Variants in DCTN1 observed in about 807,000 individuals in gnomAD.
DCTN1 encodes 150 kDa dynein-associated polypeptide.
DCTN1 carries 61 observed loss-of-function variants against 161.2 expected under a neutral mutation model. That is an observed-to-expected ratio of 0.38 (90% CI 0.31 to 0.47). DCTN1 has a LOEUF of 0.47. DCTN1 is among the 20% of genes least tolerant of loss of function. DCTN1 has a pLI of 0.99. For missense variants in DCTN1, 1,404 were observed against 1,623.7 expected (o/e 0.86, Z 2.33); for synonymous variants, 653 against 632.4 (o/e 1.03, Z -0.49).
chr2:74,391,718 C>T, intron 1 of DCTN1: 1 of 446,424 alleles, frequency 2.2e-6, no homozygotes, highest in Non-Finnish European at 4.5e-6. Flanking sequence ...GCTCGGTCCC[C>T]AGCCCACCGC....
intron 6 of DCTN1, 79 bp downstream of exon 6, chr2:74,374,244 G>GCCCCCA: frequency 6.8e-7 from 1 of 1,481,142 alleles, no homozygotes; most frequent in South Asian, 1.2e-5. Context: ...AAGTCAATCA[G>GCCCCCA]CCCCCACCCC....
intron 26 of DCTN1, 131 bp downstream of exon 26, chr2:74,364,944 G>C (rs546581027): frequency 1.4e-5 from 17 of 1,181,680 alleles, no homozygotes; most frequent in South Asian, 5.1e-5. Context: ...GGCACAGAGT[G>C]AAACTGTGTA....
In DCTN1 at chr2:74,363,000, T is replaced by A. The variant is rs199669902; in HGVS notation, c.3523A>T (p.Ser1175Cys). 2.5e-6 allele frequency: 4 copies of A among 1,612,704 alleles called. No individual in the cohort carries two copies. The highest frequency in any genetic ancestry group is 1.7e-4 in the Middle Eastern group (1 of 5,932). The change falls in exon 29 of 32, where the codon AGC (serine) becomes TGC (cysteine). Residue 1175 changes from serine (S) to cysteine (C), a missense_variant. Ser to Cys is a moderately radical substitution (Grantham distance 112, BLOSUM62 -1). Coordinates refer to ENST00000628224, the MANE Select transcript of DCTN1 (RefSeq NM_004082.5). ...GGGGTTGGCAGGTACATACCAGGGC[T>A]GGTGCGAGTGATGTCTACTACGTGC... ...HTHVVDITRT[S>C]PAAKSPSAQL...
In DCTN1 at chr2:74,378,051, C is replaced by T. The variant is rs1480799137; in HGVS notation, c.228G>A (p.Arg76=). 3 of 1,614,160 alleles carry T rather than the reference C, an allele frequency of 1.9e-6. No homozygotes were observed. Among genetic ancestry groups the T allele is most frequent in the Non-Finnish European group, 2.5e-6 (3 of 1,180,064 alleles). The change falls in exon 2 of 32, where the codon AGG becomes AGA. Residue 76 remains arginine (R), a synonymous_variant. Transcript: ENST00000628224. ...KGKNDGTVQG[R]KYFTCDEGHG... is the part of the protein sequence containing the mutation. ...GCCCTTCATCACAAGTGAAGTACTT[C>T]CTGCCTTGAACAGTTCCATCATTTT...
intron 31 of DCTN1, 38 bp from the exon 32 acceptor site, chr2:74,361,674 G>A: frequency 6.2e-7 from 1 of 1,613,910 alleles, no homozygotes; most frequent in Non-Finnish European, 8.5e-7. Flanking sequence ...CCAGGTCAGG[G>A]GCTCACTTGA....
At position 74,367,846 on chromosome 2, in the gene DCTN1, A is replaced by G; in HGVS notation, c.2034T>C (p.Ser678=). The G allele has an allele frequency of 6.2e-7, 1 of 1,614,094 alleles. No homozygotes were observed. The highest frequency in any genetic ancestry group is 8.5e-7 in the Non-Finnish European group (1 of 1,180,008). The part of the protein sequence containing the change: ...HRYEHALSQC[S]VDVYKKVGSL... ...TGCCCACTTTCTTATACACATCCAC[A>G]CTGCACTGAGAGAGGGCACTAGAGA... The change falls in exon 18 of 32, where the codon AGT becomes AGC. Residue 678 remains serine, a synonymous_variant. Transcript: ENST00000628224.
At chr2:74,361,924 G>T in intron 31 of DCTN1, 128 bp downstream of exon 31, 2 of 1,000,262 alleles carry the variant, frequency 2.0e-6, no homozygotes, top group Non-Finnish European at 3.1e-6. Context: ...AGTAAAATTT[G>T]GCCAGATAAC....
intron 7 of DCTN1, among the ~76,000 whole-genome samples, chr2:74,372,345 C>G (rs942083398): frequency 2.6e-5 from 4 of 152,226 alleles, no homozygotes; most frequent in African/African-American, 4.8e-5. Context: ...TAGACTCCCC[C>G]TTGAAACAAC....
rs1489764662 is a variant in DCTN1, at chr2:74,361,580, A to G, written c.3756T>C (p.Cys1252=). ...GGTGTCGCTGTCCAAAACCAGCCGCACATGAGAAGGTCACTTTGCCCATGT... is the reference window on the plus strand; with the variant it reads ...GGTGTCGCTGTCCAAAACCAGCCGCGCATGAGAAGGTCACTTTGCCCATGT... The part of the protein sequence containing the change: ...TVYMGKVTFS[C]AAGFGQRHRL... The change falls in exon 32 of 32, where the codon TGT becomes TGC. Residue 1252 remains cysteine, a synonymous_variant. Coordinates refer to ENST00000628224, the MANE Select transcript of DCTN1 (RefSeq NM_004082.5). 1 of 1,614,144 alleles carries G rather than the reference A, an allele frequency of 6.2e-7. No individual in the cohort carries two copies. The highest frequency in any genetic ancestry group is 8.5e-7 in the Non-Finnish European group (1 of 1,180,014).
chr2:74,386,024 A>G lies in DCTN1; in HGVS notation c.-19+5770T>C, dbSNP rs144146394. ...AATCTCAGCCCACAATACCTGACAA[A>G]TCACTATCGGTCACTTGTCTTTCTA... On this transcript the variant is annotated intron_variant, in intron 1 of 27. Coordinates refer to the DCTN1 transcript ENST00000409240. Among the ~76,000 whole-genome samples the G allele has an allele frequency of 1.3e-3, 197 of 152,322 alleles. 2 individuals are homozygous for G. The highest frequency in any genetic ancestry group is 6.8e-3 in the Middle Eastern group (2 of 294).
chr2:74,370,588 C>A lies in DCTN1; in HGVS notation c.1048+33G>T. On this transcript the variant is annotated intron_variant, in intron 10 of 31. Coordinates refer to ENST00000628224, the MANE Select transcript of DCTN1 (RefSeq NM_004082.5). This position sits in a 1 kb window ranked among gnomAD's most constrained non-coding sequence, Gnocchi z 4.4. ...ACTTTCAGGCATGGTTCTCACCTGA[C>A]CGTTTGGCCCCCAGCAGCTGTGGGC... 3.1e-6 allele frequency: 5 copies of A among 1,614,054 alleles called. No individual in the cohort carries two copies. The highest frequency in any genetic ancestry group is 3.4e-6 in the Non-Finnish European group (4 of 1,180,008).
Position 74,370,559 on chromosome 2 carries a change from T to C in DCTN1, c.1049-15A>G. ...GCCATCTGAGCCTGGAGAAGATCAT[T>C]AACACTTTCAGGCATGGTTCTCACC... On this transcript the variant is annotated splice_polypyrimidine_tract_variant and intron_variant, in intron 10 of 31. Coordinates refer to ENST00000628224, the MANE Select transcript of DCTN1 (RefSeq NM_004082.5). This position sits in a 1 kb window ranked among gnomAD's most constrained non-coding sequence, Gnocchi z 4.4. 1.9e-6 allele frequency: 3 copies of C among 1,614,062 alleles called. No individual in the cohort carries two copies. Among genetic ancestry groups the C allele is most frequent in the Non-Finnish European group, 2.5e-6 (3 of 1,180,018 alleles).
chr2:74,388,360 T>C (rs572152631), intron 1 of DCTN1, among the ~76,000 whole-genome samples: 1 of 152,268 alleles, frequency 6.6e-6, no homozygotes, highest in African/African-American at 2.4e-5. Flanking sequence ...CTGGGCAGCA[T>C]AGTGATACCC....
rs1157202529 is a variant in DCTN1, at chr2:74,361,468, G to A, written c.*31C>T. The A allele has an allele frequency of 6.2e-7, 1 of 1,613,698 alleles. No individual in the cohort carries two copies. The highest frequency in any genetic ancestry group is 1.7e-5 in the Admixed American group (1 of 60,012). On this transcript the variant is annotated 3_prime_UTR_variant, in exon 32 of 32. Coordinates refer to ENST00000628224, the MANE Select transcript of DCTN1 (RefSeq NM_004082.5). ...GGCAGAGCGGCACCAGAGGGCTGAG[G>A]GTCGAAGGGGACAGCAGGGGAAAGG... is the stretch of plus-strand genomic sequence containing the variant.
At chr2:74,365,493 G>A (rs201008220) in intron 25 of DCTN1, 22 bp downstream of exon 25, 4 of 1,613,986 alleles carry the variant, frequency 2.5e-6, no homozygotes, top group East Asian at 2.2e-5. Flanking sequence ...GAGGAAGCAA[G>A]GCCCCAGGGA....
Position 74,366,349 on chromosome 2 carries a change from G to C in DCTN1, c.2655C>G (p.Pro885=). The stretch of plus-strand genomic sequence containing the variant: ...TGCATGACTGGCGCAGACACTCATA[G>C]GGGCTGCTGGAGGGGGTCCCATAGA... ...EQIYGTPSSS[P]YECLRQSCNI... Residue 885 remains proline (P), a synonymous_variant, in exon 23 of 32, where the codon CCC becomes CCG. Transcript: ENST00000628224. 2 of 1,614,220 alleles carry C rather than the reference G, an allele frequency of 1.2e-6. No homozygotes were observed. The highest frequency in any genetic ancestry group is 1.7e-6 in the Non-Finnish European group (2 of 1,180,052).
At chr2:74,380,359 T>C, upstream of DCTN1, 1 of 527,368 alleles carries the variant, frequency 1.9e-6, no homozygotes, top group Non-Finnish European at 3.7e-6. Flanking sequence ...AGCCTCTGGG[T>C]CCTAGTGCCC....
chr2:74,369,894 G>A lies in DCTN1; in HGVS notation c.1392+71C>T, dbSNP rs1573161150. ...CCCTCACCGCACACCCTGCTCAAAG[G>A]CCAAGGGTCACATGTCAATCTTTTT... On this transcript the variant is annotated intron_variant, in intron 13 of 31. Transcript: ENST00000628224. The surrounding 1 kb of genome is among the most constrained non-coding windows in gnomAD (Gnocchi z 4.9). The A allele has an allele frequency of 1.3e-6, 2 of 1,503,714 alleles. No individual in the cohort carries two copies. Among genetic ancestry groups the A allele is most frequent in the East Asian group, 4.5e-5 (2 of 44,340 alleles). 93.1% of individuals were successfully genotyped at this position (1,503,714 alleles called of 1,614,324 possible).
At position 74,370,742 on chromosome 2, in the gene DCTN1, C is replaced by T; in HGVS notation, c.927G>A (p.Leu309=). ...DTADAIEMAT[L]DKEMAEERAE... The stretch of plus-strand genomic sequence containing the variant: ...CCCGCTCTTCAGCCATCTCCTTGTC[C>T]AAAGTGGCCATCTCAATGGCATCAG... The change falls in exon 10 of 32, where the codon TTG becomes TTA. Residue 309 remains leucine (L), a synonymous_variant. Coordinates refer to ENST00000628224, the MANE Select transcript of DCTN1 (RefSeq NM_004082.5). The surrounding 1 kb of genome is among the most constrained non-coding windows in gnomAD (Gnocchi z 4.4). The T allele has an allele frequency of 6.2e-7, 1 of 1,614,212 alleles. No homozygotes were observed. The highest frequency in any genetic ancestry group is 1.1e-5 in the South Asian group (1 of 91,088).
Sources: gnomAD v4.1 joint callset for allele counts (sites outside exome capture counted in the v4.1 genomes callset) on GRCh38, gnomAD v4.1.1 for gene constraint, Gnocchi (gnomAD v3.1) non-coding constraint, MANE v1.5 for transcripts, NCBI Gene and HGNC (gene_info 2026-07-23, HGNC 2026-07-21) for gene names.